Variants in TNIK observed in about 807,000 individuals in gnomAD.
The protein encoded by TNIK is TRAF2 and NCK-interacting protein kinase.
Under a neutral mutation model 191.3 loss-of-function variants are expected in TNIK, and 49 were observed. That is an observed-to-expected ratio of 0.26 (90% confidence interval 0.20 to 0.32). The LOEUF (loss-of-function observed/expected upper bound fraction) is 0.32, where lower values mean the gene tolerates loss of function less well. Ranked by LOEUF, TNIK falls within the 10% of genes least tolerant of loss-of-function variation. TNIK has a pLI of 1.00. For missense variants in TNIK, 1,155 were observed against 1,702.3 expected, an observed-to-expected ratio of 0.68 and a Z score of 5.66; for synonymous variants, 594 against 600.9, an observed-to-expected ratio of 0.99 and a Z score of 0.17.
intron 18 of TNIK, among the ~76,000 whole-genome samples, chr3:171,115,993 A>G (rs536526942): frequency 6.6e-6 from 1 of 152,342 alleles, no homozygotes; most frequent in Admixed American, 6.5e-5. Context: ...CCTCATTAGT[A>G]CAAGTTCTCC....
chr3:171,177,694 A>G (rs996998090), intron 7 of TNIK, among the ~76,000 whole-genome samples: 8 of 152,218 alleles, frequency 5.3e-5, no homozygotes, highest in Non-Finnish European at 1.0e-4. Context: ...TTATAACACC[A>G]TCATTGAGCT....
intron 23 of TNIK, among the ~76,000 whole-genome samples, chr3:171,092,866 CAG>C (rs1722240706): frequency 6.6e-6 from 1 of 152,146 alleles, no homozygotes; most frequent in African/African-American, 2.4e-5. Flanking sequence ...AGAGGAAAAA[CAG>C]ATGACATATG....
chr3:171,150,330 A>G (rs1299477566), intron 12 of TNIK, among the ~76,000 whole-genome samples: 5 of 152,230 alleles, frequency 3.3e-5, no homozygotes, highest in African/African-American at 1.2e-4. Context: ...TAGAGAAGTC[A>G]TGTCTTGCTC....
At chr3:171,147,065 A>G (rs1254189375) in intron 12 of TNIK, among the ~76,000 whole-genome samples, 1 of 152,218 alleles carries the variant, frequency 6.6e-6, no homozygotes, top group Non-Finnish European at 1.5e-5. Flanking sequence ...CTAACCATTC[A>G]GAGTGAAACG....
chr3:171,319,668 G>T (rs1378636681), intron 2 of TNIK, among the ~76,000 whole-genome samples: 2 of 152,132 alleles, frequency 1.3e-5, no homozygotes, highest in Non-Finnish European at 2.9e-5. Context: ...GTTGATTAGA[G>T]AATCAAGTTT....
intron 4 of TNIK, among the ~76,000 whole-genome samples, chr3:171,197,606 C>T (rs59322739): frequency 0.36 from 54,509 of 152,020 alleles, 10,243 homozygotes; most frequent in African/African-American, 0.47. Context: ...CTTGAATAGA[C>T]ATTCCTCCAA....
chr3:171,108,421 T>G (rs73037395), intron 19 of TNIK, among the ~76,000 whole-genome samples: 8,861 of 152,272 alleles, frequency 0.058, 831 homozygotes, highest in African/African-American at 0.2. Context: ...AGAGCACTTC[T>G]TATGTGTCAG....
chr3:171,367,762 A>C (rs1261548397), intron 2 of TNIK, among the ~76,000 whole-genome samples: 1 of 152,064 alleles, frequency 6.6e-6, no homozygotes, highest in African/African-American at 2.4e-5. Context: ...GAGCCACCGC[A>C]CCTGGCCAGG....
chr3:171,177,865 C>T (rs1736146608), intron 7 of TNIK, among the ~76,000 whole-genome samples: 1 of 152,206 alleles, frequency 6.6e-6, no homozygotes. Flanking sequence ...AACCCATCCC[C>T]ACTCTCCTGT....
intron 2 of TNIK, among the ~76,000 whole-genome samples, chr3:171,300,440 G>A (rs1032557453): frequency 6.6e-6 from 1 of 152,140 alleles, no homozygotes; most frequent in African/African-American, 2.4e-5. Flanking sequence ...AGGGAAAAAT[G>A]TATGCATCTG....
At chr3:171,184,218 CTTA>C (rs1737081578) in intron 7 of TNIK, among the ~76,000 whole-genome samples, 1 of 152,140 alleles carries the variant, frequency 6.6e-6, no homozygotes, top group Non-Finnish European at 1.5e-5. Flanking sequence ...AGGACTGACT[CTTA>C]TTAATTATGT....
At chr3:171,116,648 G>C (rs1726745530) in intron 18 of TNIK, among the ~76,000 whole-genome samples, 1 of 152,160 alleles carries the variant, frequency 6.6e-6, no homozygotes, top group Non-Finnish European at 1.5e-5. Context: ...TTTGGGATGG[G>C]ACAGAGAATT....
At chr3:171,388,155 G>A (rs916705609) in intron 1 of TNIK, among the ~76,000 whole-genome samples, 1 of 152,186 alleles carries the variant, frequency 6.6e-6, no homozygotes, top group African/African-American at 2.4e-5. Context: ...TCAATACAAA[G>A]ACTGGCCTGG....
At chr3:171,124,931 A>G (rs1442066428) in intron 17 of TNIK, among the ~76,000 whole-genome samples, 1 of 152,034 alleles carries the variant, frequency 6.6e-6, no homozygotes, top group African/African-American at 2.4e-5. Flanking sequence ...TTTGCTCCCT[A>G]TGTACCCTTT....
chr3:171,175,141 T>C, intron 9 of TNIK, 111 bp downstream of exon 9: 2 of 1,011,322 alleles, frequency 2.0e-6, no homozygotes, highest in Non-Finnish European at 3.0e-6. Context: ...CAAGTCATCA[T>C]ACATGTTAGT....
intron 15 of TNIK, among the ~76,000 whole-genome samples, chr3:171,137,949 T>C (rs73169770): frequency 0.064 from 9,044 of 140,932 alleles, 374 homozygotes; most frequent in South Asian, 0.13. Flanking sequence ...TAAAAGTCCA[T>C]TGCAACCACA....
intron 15 of TNIK, among the ~76,000 whole-genome samples, chr3:171,132,399 G>C (rs1003216511): frequency 2.0e-5 from 3 of 151,902 alleles, no homozygotes; most frequent in African/African-American, 7.3e-5. Flanking sequence ...TATATAGAGA[G>C]AAAAAAAATA....
intron 1 of TNIK, among the ~76,000 whole-genome samples, chr3:171,418,628 G>A (rs1723375698): frequency 6.6e-6 from 1 of 152,186 alleles, no homozygotes; most frequent in Admixed American, 6.6e-5. Flanking sequence ...TTCCAGAACA[G>A]AGAAATCTAC....
intron 9 of TNIK, among the ~76,000 whole-genome samples, chr3:171,169,515 A>G (rs1735028881): frequency 1.3e-5 from 2 of 152,132 alleles, no homozygotes; most frequent in African/African-American, 2.4e-5. Flanking sequence ...TGATTCGCCT[A>G]CCTCAGCCTC....
Sources: gnomAD v4.1 joint callset for allele counts (sites outside exome capture counted in the v4.1 genomes callset) on GRCh38, gnomAD v4.1.1 for gene constraint, MANE v1.5 for transcripts, NCBI Gene and HGNC (gene_info 2026-07-23, HGNC 2026-07-21) for gene names.